The following LRP4 variants were observed in gnomAD, a reference collection of about 807,000 sequenced individuals.
The protein encoded by LRP4 is low-density lipoprotein receptor-related protein 4.
A neutral mutation model predicts 220.3 loss-of-function variants in LRP4; 95 were observed. That is an observed-to-expected ratio of 0.43 (90% CI 0.37 to 0.51). The LOEUF (loss-of-function observed/expected upper bound fraction) is 0.51. Among genes scored for constraint, LRP4 ranks in the 20% least tolerant of loss-of-function variants. The pLI is 0.00. For synonymous variants in LRP4, 903 were observed against 954.6 expected (o/e 0.95, Z 1.00); for missense variants, 1,925 against 2,567.0 (o/e 0.75, Z 5.40).
intron 32 of LRP4, 122 bp downstream of exon 32, chr11:46,868,866 G>A (rs574487717): frequency 1.3e-4 from 182 of 1,438,486 alleles, no homozygotes; most frequent in Middle Eastern, 1.7e-4. Flanking sequence ...AGTTCTAAGC[G>A]TTTAAAATGT....
rs766355288 is a variant in LRP4 at position 46,877,252 on chromosome 11, G to T, written c.3224C>A (p.Pro1075Gln). The T allele has an allele frequency of 6.2e-7, 1 of 1,613,798 alleles. No individual in the cohort carries two copies. Among genetic ancestry groups the T allele is most frequent in the Non-Finnish European group, 8.5e-7 (1 of 1,179,768 alleles). ...GGTGTTCTTCATGGTAATGTTGATT[G>T]GTACCACCACATCAGCAAAATAAGG... ...DIPYFADVVVPINITMKNTIA... is the reference protein window; with the variant it reads ...DIPYFADVVVQINITMKNTIA... The change falls in exon 23 of 38, where the codon CCA (proline) becomes CAA (glutamine). Residue 1075 changes from proline (P) to glutamine (Q), a missense_variant. Transcript: ENST00000378623.
At position 46,890,709 on chromosome 11, in the gene LRP4, A is replaced by G. The variant is rs1401003617; in HGVS notation, c.1698-215T>C. ...ACTGCGGCCTCAATCTCCTGGGCTC[A>G]GAAGGCCTCCCACTTCAGCCTTCTG... On this transcript the variant is annotated intron_variant, in intron 13 of 37. Transcript: ENST00000378623. The surrounding 1 kb of genome is among the most constrained non-coding windows in gnomAD (Gnocchi z 5.3). Among the ~76,000 whole-genome samples, 1 of 151,994 alleles carries G rather than the reference A, an allele frequency of 6.6e-6. No individual in the cohort carries two copies. Among genetic ancestry groups the G allele is most frequent in the Non-Finnish European group, 1.5e-5 (1 of 68,006 alleles).
chr11:46,889,645 T>C (rs1941377710), intron 15 of LRP4, 112 bp from the exon 16 acceptor site: 1 of 1,454,750 alleles, frequency 6.9e-7, no homozygotes, highest in African/African-American at 1.4e-5. Flanking sequence ...AGAAACTATG[T>C]CTTATATTTT....
chr11:46,857,545 C>A lies in LRP4; in HGVS notation c.*1438G>T, dbSNP rs953608116. On this transcript the variant is annotated 3_prime_UTR_variant, in exon 38 of 38. Transcript: ENST00000378623. The stretch of plus-strand genomic sequence containing the variant: ...TCTCTACCTTCCTACTCCTTACCCA[C>A]CTCTTTGTATTTTTATTTATTCAGC... 4.6e-5 allele frequency: 7 copies of A among 152,162 alleles called. No homozygotes were observed. Among genetic ancestry groups the A allele is most frequent in the African/African-American group, 2.4e-5 (1 of 41,398 alleles). The allele number at this position is 152,162 out of a possible 1,614,324, so 9.4% of individuals were successfully genotyped here.
Position 46,899,149 on chromosome 11 carries a change from T to A in LRP4, c.548-117A>T. On this transcript the variant is annotated intron_variant, in intron 5 of 37. Coordinates refer to ENST00000378623, the MANE Select transcript of LRP4 (RefSeq NM_002334.4). This position sits in a 1 kb window ranked among gnomAD's most constrained non-coding sequence, Gnocchi z 5.9. ...CAGGAGAGCTTCTTCAAGTGAGATG[T>A]AACCAGGTTTCATCTGGGACAGCCC... The A allele has an allele frequency of 3.8e-6, 4 of 1,055,056 alleles. No individual in the cohort carries two copies. The highest frequency in any genetic ancestry group is 4.2e-6 in the Non-Finnish European group (3 of 709,596). The allele number at this position is 1,055,056 out of a possible 1,614,324, so 65.4% of individuals were successfully genotyped here.
Position 46,886,483 on chromosome 11 carries a change from T to A in LRP4, c.2266A>T (p.Ser756Cys). The A allele has an allele frequency of 1.2e-6, 2 of 1,614,190 alleles. No individual in the cohort carries two copies. The highest frequency in any genetic ancestry group is 1.7e-6 in the Non-Finnish European group (2 of 1,180,036). ...TCAGACAGGTCCTCTGTGTCAAAGC[T>A]GATTCGACGGATGTCCATCCTTCGG... ...FARRMDIRRI[S>C]FDTEDLSDDV... The change falls in exon 17 of 38, where the codon AGC becomes TGC. Residue 756 changes from serine to cysteine, a missense_variant. Coordinates refer to ENST00000378623, the MANE Select transcript of LRP4 (RefSeq NM_002334.4).
chr11:46,886,525 T>C lies in LRP4; in HGVS notation c.2224A>G (p.Lys742Glu), dbSNP rs1457345784. The C allele has an allele frequency of 1.9e-6, 3 of 1,614,060 alleles. No homozygotes were observed. Among genetic ancestry groups the C allele is most frequent in the South Asian group, 2.2e-5 (2 of 91,056 alleles). The change falls in exon 17 of 38, where the codon AAG becomes GAG. Residue 742 changes from lysine to glutamate, a missense_variant. By Grantham distance (56) the Lys-to-Glu change is moderately conservative. Around this residue, in one of 3 missense-constraint regions of LRP4, gnomAD observed 1,244 missense variants for 1,624.9 expected, o/e 0.77. Coordinates refer to ENST00000378623, the MANE Select transcript of LRP4 (RefSeq NM_002334.4). Reference sequence around the variant, plus strand: ...ATCCTTCGGGCAAAAAGCAGGAACTTGTCAAGACCTGATCAAAGGCCGAAA... The same window carrying C: ...ATCCTTCGGGCAAAAAGCAGGAACTCGTCAAGACCTGATCAAAGGCCGAAA... ...SSHACAQSLD[K>E]FLLFARRMDI...
Position 46,875,744 on chromosome 11 carries a change from C to G in LRP4, c.3699+60G>C. 6.2e-7 allele frequency: 1 copy of G among 1,612,932 alleles called. No homozygotes were observed. The highest frequency in any genetic ancestry group is 8.5e-7 in the Non-Finnish European group (1 of 1,179,088). Reference sequence around the variant, plus strand: ...AGATTGGGAACTCTCCATGGAGATCCTAGGCAGGCCTTTCCCATCTTCCCA... The same window carrying G: ...AGATTGGGAACTCTCCATGGAGATCGTAGGCAGGCCTTTCCCATCTTCCCA... On this transcript the variant is annotated intron_variant, in intron 26 of 37. Transcript: ENST00000378623. The surrounding 1 kb of genome is among the most constrained non-coding windows in gnomAD (Gnocchi z 4.5).
chr11:46,910,471 A>T (rs1941840610), intron 1 of LRP4, among the ~76,000 whole-genome samples: 1 of 152,186 alleles, frequency 6.6e-6, no homozygotes, highest in African/African-American at 2.4e-5. Context: ...ACTATTAAAG[A>T]TTTGGCTTAC....
intron 16 of LRP4, 88 bp from the exon 17 acceptor site, chr11:46,886,621 T>C: frequency 1.8e-6 from 2 of 1,114,622 alleles, no homozygotes; most frequent in South Asian, 2.6e-5. Flanking sequence ...TGACATCTGG[T>C]TCAATCACAC....
At chr11:46,886,270 C>T in intron 17 of LRP4, 55 bp downstream of exon 17, 2 of 1,601,458 alleles carry the variant, frequency 1.2e-6, no homozygotes, top group Non-Finnish European at 1.7e-6. Flanking sequence ...GTATGGGAAG[C>T]CCTTCCCTGG....
chr11:46,908,450 T>C (rs1328459892), intron 1 of LRP4, among the ~76,000 whole-genome samples: 1 of 152,190 alleles, frequency 6.6e-6, no homozygotes, highest in Admixed American at 6.5e-5. Flanking sequence ...CTGGGGACAA[T>C]GAACCACAGA....
In LRP4 at chr11:46,879,262, C is replaced by T. The variant is rs145460760; in HGVS notation, c.2868G>A (p.Glu956=). 7.9e-4 allele frequency: 1,269 copies of T among 1,614,116 alleles called. No individual in the cohort carries two copies. Among genetic ancestry groups the T allele is most frequent in the Non-Finnish European group, 9.5e-4 (1,124 of 1,180,058 alleles). The stretch of plus-strand genomic sequence containing the variant: ...TCTGCCAGTCAGTCCAATAGATGCG[C>T]TCTCCATAGAGGGTCAGCCCAAATG... ...PHPFGLTLYG[E]RIYWTDWQTK... The change falls in exon 21 of 38, where the codon GAG becomes GAA. Residue 956 remains glutamate (E), a synonymous_variant. Transcript: ENST00000378623.
chr11:46,910,304 C>A (rs933899599), intron 1 of LRP4, among the ~76,000 whole-genome samples: 1 of 152,168 alleles, frequency 6.6e-6, no homozygotes, highest in Non-Finnish European at 1.5e-5. Flanking sequence ...GCTATTTAAC[C>A]TCTTTATATA....
intron 1 of LRP4, among the ~76,000 whole-genome samples, chr11:46,909,599 G>T (rs1421258695): frequency 1.0e-5 from 1 of 95,562 alleles, no homozygotes; most frequent in Non-Finnish European, 1.9e-5. Context: ...GCGACAGAGC[G>T]AGACTCCGTC....
intron 36 of LRP4, among the ~76,000 whole-genome samples, chr11:46,863,914 C>T (rs891816018): frequency 2.6e-5 from 4 of 152,022 alleles, no homozygotes; most frequent in Admixed American, 2.0e-4. Context: ...TGAAGAACAA[C>T]AGCAGCAAAC....
chr11:46,861,702 G>A lies in LRP4; in HGVS notation c.5385+904C>T, dbSNP rs534143006. 9.2e-5 allele frequency among the ~76,000 whole-genome samples: 14 copies of A among 151,714 alleles called. No individual in the cohort carries two copies. In the South Asian group the frequency reaches 2.7e-3, roughly 29 times the overall value. On this transcript the variant is annotated intron_variant, in intron 37 of 37. Transcript: ENST00000378623. ...CACCACAACCAGCTCATTGAAATGG[G>A]ACTATTTTTCATGCCTTCACATTGA... is the stretch of plus-strand genomic sequence containing the variant.
rs1014079039 is a variant in LRP4 at position 46,873,840 on chromosome 11, G to C, written c.4230-247C>G. On this transcript the variant is annotated intron_variant, in intron 28 of 37. Coordinates refer to ENST00000378623, the MANE Select transcript of LRP4 (RefSeq NM_002334.4). This position sits in a 1 kb window ranked among gnomAD's most constrained non-coding sequence, Gnocchi z 4.2. ...TAACTGGACATAGTGGCGGTTGCCA[G>C]GGGATGTCTTGCTAGAAGACAAGTT... is the stretch of plus-strand genomic sequence containing the variant. The C allele has an allele frequency of 2.6e-5, 13 of 505,312 alleles. No homozygotes were observed. Among genetic ancestry groups the C allele is most frequent in the African/African-American group, 2.3e-4 (12 of 53,052 alleles). 31.3% of individuals were successfully genotyped at this position (505,312 alleles called of 1,614,324 possible).
At chr11:46,888,191 G>A (rs1338116169) in intron 16 of LRP4, among the ~76,000 whole-genome samples, 1 of 150,770 alleles carries the variant, frequency 6.6e-6, no homozygotes, top group Non-Finnish European at 1.5e-5. Context: ...GTGTGGTAGT[G>A]CACACTTATA....
Sources: allele counts gnomAD v4.1 joint callset (sites outside exome capture counted in the v4.1 genomes callset), GRCh38; gene constraint gnomAD v4.1.1; regional missense constraint gnomAD v4.1.1; non-coding constraint Gnocchi (gnomAD v3.1); transcripts MANE v1.5; gene names NCBI Gene and HGNC (gene_info 2026-07-23, HGNC 2026-07-21).